The following SLC5A11 variants were observed in gnomAD, a reference collection of about 807,000 sequenced individuals.
The protein encoded by SLC5A11 is sodium/myo-inositol cotransporter 2.
In SLC5A11, 48 loss-of-function variants were observed where a neutral mutation model predicts 69.8. That is an observed-to-expected ratio of 0.69 (90% CI 0.55 to 0.87). SLC5A11 has a LOEUF of 0.87. Ranked by LOEUF, SLC5A11 falls within the 40% of genes least tolerant of loss-of-function variation. The pLI is 0.00. For synonymous variants in SLC5A11, 319 were observed against 342.4 expected (o/e 0.93, Z 0.75); for missense variants, 784 against 866.1 (o/e 0.91, Z 1.19).
intron 1 of SLC5A11, among the ~76,000 whole-genome samples, chr16:24,850,591 A>G (rs1198948366): frequency 1.3e-5 from 2 of 151,926 alleles, no homozygotes; most frequent in African/African-American, 4.8e-5. Context: ...TTTCCCCACC[A>G]AGGTCCACGT....
At chr16:24,897,343 A>G (rs529379380) in intron 9 of SLC5A11, among the ~76,000 whole-genome samples, 79 of 152,214 alleles carry the variant, frequency 5.2e-4, no homozygotes, top group African/African-American at 1.8e-3. Context: ...CATAGTAGCC[A>G]GAGAGGTGAA....
At chr16:24,869,870 T>A in intron 3 of SLC5A11, 31 bp from the exon 5 acceptor site, 1 of 1,525,638 alleles carries the variant, frequency 6.6e-7, no homozygotes, top group East Asian at 2.3e-5. Context: ...TGACTTTGTC[T>A]CCAAGATCTG....
At chr16:24,862,450 A>G (rs1038916251) in intron 2 of SLC5A11, 151 bp from the exon 4 acceptor site, 19 of 543,846 alleles carry the variant, frequency 3.5e-5, no homozygotes, top group Non-Finnish European at 5.9e-5. Flanking sequence ...TTAAAATTTT[A>G]TCCAAAACTC....
intron 4 of SLC5A11, 21 bp from the exon 6 acceptor site, chr16:24,872,139 T>C: frequency 6.2e-7 from 1 of 1,614,132 alleles, no homozygotes; most frequent in South Asian, 1.1e-5. Flanking sequence ...GGCCAAGTCC[T>C]GACTGTGTTT....
At chr16:24,882,803 A>G (rs1184160774) in intron 7 of SLC5A11, among the ~76,000 whole-genome samples, 1 of 151,800 alleles carries the variant, frequency 6.6e-6, no homozygotes, top group Non-Finnish European at 1.5e-5. Flanking sequence ...GCCCCATCAC[A>G]CCTGGCTAAT....
At chr16:24,852,209 C>A (rs187825580) in intron 1 of SLC5A11, among the ~76,000 whole-genome samples, 16 of 152,206 alleles carry the variant, frequency 1.1e-4, no homozygotes, top group Admixed American at 5.2e-4. Flanking sequence ...TCACGCACAT[C>A]CAGAAGCCAG....
chr16:24,899,944 T>C (rs918894995), intron 10 of SLC5A11, among the ~76,000 whole-genome samples: 1 of 152,130 alleles, frequency 6.6e-6, no homozygotes, highest in Admixed American at 6.6e-5. Flanking sequence ...GCTCAAGCAG[T>C]CCACCCACTT....
rs776024487 is a variant in SLC5A11, at chr16:24,858,618, A to G, written c.-24-2A>G. ...ATTTGACTGGCATTTGCCCTTCCTC[A>G]GGATCCAGAGGTCTCGTTCAGGACC... On this transcript the variant is annotated splice_acceptor_variant, in intron 1 of 15. Transcript: ENST00000347898. LOFTEE classifies it low-confidence loss of function (5UTR_SPLICE). 4.4e-6 allele frequency: 7 copies of G among 1,587,274 alleles called. No homozygotes were observed. The highest frequency in any genetic ancestry group is 5.1e-6 in the Non-Finnish European group (6 of 1,165,708).
chr16:24,891,298 A>C (rs1191640726), intron 9 of SLC5A11, among the ~76,000 whole-genome samples: 2 of 146,838 alleles, frequency 1.4e-5, no homozygotes, highest in African/African-American at 5.0e-5. Context: ...GGGAAAACTC[A>C]ACACACTCTG....
chr16:24,852,791 G>A (rs1331176485), intron 1 of SLC5A11, among the ~76,000 whole-genome samples: 2 of 152,194 alleles, frequency 1.3e-5, no homozygotes, highest in Non-Finnish European at 2.9e-5. Context: ...CTTAATAAAT[G>A]TTTATTTCAC....
chr16:24,876,064 C>T (rs1347262528), intron 6 of SLC5A11, among the ~76,000 whole-genome samples: 1 of 152,032 alleles, frequency 6.6e-6, no homozygotes, highest in Non-Finnish European at 1.5e-5. Context: ...GGCGTGGTGG[C>T]TGATGCCTGT....
chr16:24,862,524 T>C, intron 2 of SLC5A11, 77 bp from the exon 4 acceptor site: 1 of 1,239,064 alleles, frequency 8.1e-7, no homozygotes, highest in Middle Eastern at 2.6e-4. Context: ...TTGCAATCCC[T>C]GCCTGGCCTA....
intron 9 of SLC5A11, among the ~76,000 whole-genome samples, chr16:24,892,068 A>AAG (rs959649459): frequency 6.7e-6 from 1 of 149,028 alleles, no homozygotes; most frequent in Non-Finnish European, 1.5e-5. Flanking sequence ...AAAAAAAAAA[A>AAG]AAGTAAAAAT....
intron 2 of SLC5A11, among the ~76,000 whole-genome samples, chr16:24,860,369 T>C (rs1456647217): frequency 2.6e-5 from 4 of 152,032 alleles, no homozygotes; most frequent in African/African-American, 4.8e-5. Flanking sequence ...GCCAGGAGAA[T>C]CACTTGAACC....
intron 10 of SLC5A11, among the ~76,000 whole-genome samples, chr16:24,901,513 G>C (rs960097625): frequency 6.6e-6 from 1 of 152,046 alleles, no homozygotes; most frequent in African/African-American, 2.4e-5. Flanking sequence ...TACTTGGGAG[G>C]CTGAGGTGGG....
chr16:24,911,492 T>C, exon 16 of SLC5A11: 1 of 1,614,188 alleles, frequency 6.2e-7, no homozygotes, highest in Non-Finnish European at 8.5e-7. Flanking sequence ...CCTCATTTTC[T>C]GCGTGAGCTG....
chr16:24,910,096 A>G (rs1402590531), intron 14 of SLC5A11, among the ~76,000 whole-genome samples: 2 of 148,456 alleles, frequency 1.3e-5, no homozygotes, highest in Non-Finnish European at 3.0e-5. Flanking sequence ...TTTATCGGAG[A>G]AAGACGTGGG....
At chr16:24,875,901 T>C (rs766087106) in intron 6 of SLC5A11, among the ~76,000 whole-genome samples, 170 bp downstream of exon 7, 15 of 151,730 alleles carry the variant, frequency 9.9e-5, no homozygotes, top group Non-Finnish European at 7.4e-5. Flanking sequence ...ACAGAGGGAA[T>C]TGGGAGAAAA....
intron 1 of SLC5A11, among the ~76,000 whole-genome samples, chr16:24,853,890 G>A (rs2059416977): frequency 6.6e-6 from 1 of 152,222 alleles, no homozygotes; most frequent in African/African-American, 2.4e-5. Context: ...AGCGCATGGA[G>A]GGTTCCTCCT....
Sources: gnomAD v4.1 joint callset for allele counts (sites outside exome capture counted in the v4.1 genomes callset) on GRCh38, gnomAD v4.1.1 for gene constraint, MANE v1.5 for transcripts, NCBI Gene and HGNC (gene_info 2026-07-23, HGNC 2026-07-21) for gene names.